PRR29: variants seen among roughly 807,000 people sequenced by gnomAD.
PRR29 encodes the protein proline-rich protein 29.
In PRR29, 20 loss-of-function variants were observed where a neutral mutation model predicts 25.1. The observed-to-expected ratio is 0.80, with a 90% CI of 0.56 to 1.16. The LOEUF (loss-of-function observed/expected upper bound fraction) is 1.16. PRR29 is among the 50% of genes most tolerant of loss of function. The probability of loss-of-function intolerance (pLI) is 0.00; values close to 1 mark genes in which losing one functional copy is unlikely to be tolerated. For synonymous variants in PRR29, 108 were observed against 102.6 expected (o/e 1.05, Z -0.32); for missense variants, 238 against 246.6 (o/e 0.97, Z 0.23).
In PRR29 at chr17:63,998,444, G is replaced by T; in HGVS notation, c.60+20G>T. On this transcript the variant is annotated intron_variant, in intron 1 of 5. Coordinates refer to ENST00000412177, the MANE Select transcript of PRR29 (RefSeq NM_001164257.2). ...CCGACGGTGAGGGCTGAGCCCGGGA[G>T]CAGATCCTGCCTTAGCTTGGGAGAC... 2 of 1,469,622 alleles carry T rather than the reference G, an allele frequency of 1.4e-6. No individual in the cohort carries two copies. The highest frequency in any genetic ancestry group is 1.8e-6 in the Non-Finnish European group (2 of 1,112,892). The allele number at this position is 1,469,622 out of a possible 1,614,324, so 91.0% of individuals were successfully genotyped here.
At chr17:63,999,374 A>G (rs1285321386) in intron 3 of PRR29, 6 of 484,488 alleles carry the variant, frequency 1.2e-5, no homozygotes, top group African/African-American at 5.9e-5. Context: ...ACCCTGCCCC[A>G]TGCATCATGA....
chr17:63,998,898 C>T, intron 2 of PRR29, 70 bp from the exon 3 acceptor site: 1 of 1,462,598 alleles, frequency 6.8e-7, no homozygotes, highest in Non-Finnish European at 9.3e-7. Flanking sequence ...TTCTTCACCC[C>T]CGGGACAGGG....
chr17:63,998,806 C>CA, intron 2 of PRR29, 24 bp downstream of exon 2: 1 of 1,157,428 alleles, frequency 8.6e-7, no homozygotes, highest in Non-Finnish European at 1.2e-6. Flanking sequence ...GTCCCCCCAC[C>CA]CCACCCCCAC....
rs1215869936 is a variant in PRR29 at position 64,001,726 on chromosome 17, T to C, written c.542-7T>C. The C allele has an allele frequency of 6.5e-7, 1 of 1,536,732 alleles. No individual in the cohort carries two copies. The highest frequency in any genetic ancestry group is 2.0e-5 in the Admixed American group (1 of 50,972). Reference sequence around the variant, plus strand: ...AGGGAGTCAAGATGAGGTTCTTGTTTCCCCAGACTACTATGATGCCGAGAG... The same window carrying C: ...AGGGAGTCAAGATGAGGTTCTTGTTCCCCCAGACTACTATGATGCCGAGAG... On this transcript the variant is annotated splice_polypyrimidine_tract_variant and splice_region_variant and intron_variant, in intron 5 of 5. Transcript: ENST00000412177.
chr17:64,003,635 C>A lies in PRR29; in HGVS notation c.*1874C>A. ...TCACTCCCAACTCCATCCACGGATC[C>A]CCCCTCACCATAGATCTCCAACATC... On this transcript the variant is annotated 3_prime_UTR_variant, in exon 6 of 6. Transcript: ENST00000412177. 1.2e-6 allele frequency: 2 copies of A among 1,607,124 alleles called. No homozygotes were observed. The highest frequency in any genetic ancestry group is 1.7e-6 in the Non-Finnish European group (2 of 1,175,488).
At chr17:63,999,395 T>C (rs1340379613) in intron 3 of PRR29, 11 of 440,224 alleles carry the variant, frequency 2.5e-5, no homozygotes, top group Non-Finnish European at 4.5e-5. Context: ...GCGTCTGGCC[T>C]GGTGCCTGAC....
chr17:64,002,663 T>C lies in PRR29; in HGVS notation c.*902T>C. 1 of 1,289,128 alleles carries C rather than the reference T, an allele frequency of 7.8e-7. No homozygotes were observed. The allele number at this position is 1,289,128 out of a possible 1,614,324, so 79.9% of individuals were successfully genotyped here. A position where few individuals can be genotyped will look rare whatever the true frequency, so the allele number is the denominator to read the frequency against. ...AAGTCTCTGCTGCCTGTCACAGTCCTTCAGCCAGGGCTGGACCTCAACCCT... is the reference window on the plus strand; with the variant it reads ...AAGTCTCTGCTGCCTGTCACAGTCCCTCAGCCAGGGCTGGACCTCAACCCT... On this transcript the variant is annotated 3_prime_UTR_variant, in exon 6 of 6. Transcript: ENST00000412177.
At chr17:63,998,824 ACCACTCACCCTCTTCTGCCT>A in intron 2 of PRR29, 42 bp downstream of exon 2, 1 of 468,242 alleles carries the variant, frequency 2.1e-6, no homozygotes, top group Non-Finnish European at 3.2e-6. Context: ...CACCATCACC[ACCACTCACCCTCTTCTGCCT>A]CGCACATCCT....
chr17:64,001,238 C>A lies in PRR29; in HGVS notation c.398C>A (p.Thr133Asn). The change falls in exon 4 of 6, where the codon ACC (threonine) becomes AAC (asparagine). Residue 133 changes from threonine to asparagine, a missense_variant. Coordinates refer to ENST00000412177, the MANE Select transcript of PRR29 (RefSeq NM_001164257.2). ...LLPWPAPFFP[T>N]PACQPYLQDV... ...CCCTGGCCAGCCCCCTTCTTCCCCA[C>A]CCCTGCTTGTCAGCCCTACTTGCAG... is the stretch of plus-strand genomic sequence containing the variant. The A allele has an allele frequency of 6.5e-7, 1 of 1,537,402 alleles. No homozygotes were observed.
chr17:64,001,409 A>G, intron 4 of PRR29, 58 bp from the exon 5 acceptor site: 1 of 1,490,942 alleles, frequency 6.7e-7, no homozygotes, highest in African/African-American at 1.4e-5. Context: ...TTGTGGGTGA[A>G]ACTCCAGAGG....
Position 64,003,023 on chromosome 17 carries a change from C to T in PRR29, c.*1262C>T. 1.9e-6 allele frequency: 2 copies of T among 1,063,576 alleles called. No homozygotes were observed. The highest frequency in any genetic ancestry group is 2.7e-6 in the Non-Finnish European group (2 of 736,772). The allele number at this position is 1,063,576 out of a possible 1,614,324, so 65.9% of individuals were successfully genotyped here. A position where few individuals can be genotyped will look rare whatever the true frequency, so the allele number is the denominator to read the frequency against. ...TCCACCCCCAACCCAGACCCCCAGACCCCGCCGCCCGCTCATGCATCCAGC... is the reference window on the plus strand; with the variant it reads ...TCCACCCCCAACCCAGACCCCCAGATCCCGCCGCCCGCTCATGCATCCAGC... On this transcript the variant is annotated 3_prime_UTR_variant, in exon 6 of 6. Transcript: ENST00000412177.
rs1318354205 is a variant in PRR29 at position 64,002,176 on chromosome 17, GCTTTGAAGGCCC to G, written c.*422_*433del. The G allele has an allele frequency of 2.8e-6, 2 of 703,770 alleles. No individual in the cohort carries two copies. Among genetic ancestry groups the G allele is most frequent in the East Asian group, 5.5e-5 (2 of 36,572 alleles). 43.6% of individuals were successfully genotyped at this position (703,770 alleles called of 1,614,324 possible). ...GGGGGGATTCCTTCTGCTTTCCACA[GCTTTGAAGGCCC>G]CTTTGAGGTGGCTGGAGGGGCCCAG... is the stretch of plus-strand genomic sequence containing the variant. On this transcript the variant is annotated 3_prime_UTR_variant, in exon 6 of 6. Transcript: ENST00000412177.
rs1164609022 is a variant in PRR29, at chr17:64,001,107, A to G, written c.267A>G (p.Glu89=). ...AGGTCTACCTGGAGGTTCCACAGGA[A>G]GAGCCTGAGGAGGAGGAGGAGGAGA... ...CPQVYLEVPQ[E]EPEEEEEEMD... is the part of the protein sequence containing the mutation. The change falls in exon 4 of 6, where the codon GAA becomes GAG. Residue 89 remains glutamate, a synonymous_variant. Coordinates refer to ENST00000412177, the MANE Select transcript of PRR29 (RefSeq NM_001164257.2). 6.5e-7 allele frequency: 1 copy of G among 1,537,044 alleles called. No homozygotes were observed. The highest frequency in any genetic ancestry group is 8.7e-7 in the Non-Finnish European group (1 of 1,146,572).
In PRR29 at chr17:64,002,182, A is replaced by G; in HGVS notation, c.*421A>G. 2 of 697,312 alleles carry G rather than the reference A, an allele frequency of 2.9e-6. No individual in the cohort carries two copies. The highest frequency in any genetic ancestry group is 4.7e-6 in the Non-Finnish European group (2 of 427,472). The allele number at this position is 697,312 out of a possible 1,614,324, so 43.2% of individuals were successfully genotyped here. A position where few individuals can be genotyped will look rare whatever the true frequency, so the allele number is the denominator to read the frequency against. ...ATTCCTTCTGCTTTCCACAGCTTTG[A>G]AGGCCCCTTTGAGGTGGCTGGAGGG... On this transcript the variant is annotated 3_prime_UTR_variant, in exon 6 of 6. Transcript: ENST00000412177.
Position 63,998,797 on chromosome 17 carries a change from T to TCCCCCCCCCCCCCCCCC in PRR29, c.136+21_136+22insCCCCCCCCCCCCCCCCC. ...CGTGAAGGAAGGTGAGACTCCCGGG[T>TCCCCCCCCCCCCCCCCC]CCCCCCACCCCACCCCCACCATCAC... On this transcript the variant is annotated intron_variant, in intron 2 of 5. Transcript: ENST00000412177. The TCCCCCCCCCCCCCCCCC allele has an allele frequency of 7.5e-6, 8 of 1,062,598 alleles. No individual in the cohort carries two copies. The highest frequency in any genetic ancestry group is 4.1e-5 in the South Asian group (3 of 73,256). The allele number at this position is 1,062,598 out of a possible 1,614,324, so 65.8% of individuals were successfully genotyped here. A position where few individuals can be genotyped will look rare whatever the true frequency, so the allele number is the denominator to read the frequency against.
rs1207486561 is a variant in PRR29 at position 64,002,954 on chromosome 17, A to C, written c.*1193A>C. On this transcript the variant is annotated 3_prime_UTR_variant, in exon 6 of 6. Coordinates refer to ENST00000412177, the MANE Select transcript of PRR29 (RefSeq NM_001164257.2). ...GGGAGGGAGGGGGCAAGGGTCTTAGACGTCCTGTGATCCCAGTTACCAGGG... is the reference window on the plus strand; with the variant it reads ...GGGAGGGAGGGGGCAAGGGTCTTAGCCGTCCTGTGATCCCAGTTACCAGGG... 5.0e-6 allele frequency: 8 copies of C among 1,597,432 alleles called. No individual in the cohort carries two copies. In the East Asian group the frequency reaches 1.1e-4, roughly 22 times the overall value.
chr17:64,000,834 T>G, intron 3 of PRR29: 2 of 374,964 alleles, frequency 5.3e-6, no homozygotes, highest in African/African-American at 2.1e-5. Context: ...TTTTTTTTTT[T>G]TTTTGGTATT....
Position 63,999,004 on chromosome 17 carries a change from T to C in PRR29, c.173T>C (p.Met58Thr). ...CTGATGATGCTGCAGAACGCGCAGA[T>C]GCACCAGCTGCTGCTGAGTCGCCTG... ...LELMMLQNAQ[M>T]HQLLLSRLVA... Residue 58 changes from methionine to threonine, a missense_variant, in exon 3 of 6, where the codon ATG becomes ACG. Met to Thr is a moderately conservative substitution (Grantham distance 81). Coordinates refer to ENST00000412177, the MANE Select transcript of PRR29 (RefSeq NM_001164257.2). 1 of 1,536,192 alleles carries C rather than the reference T, an allele frequency of 6.5e-7. No individual in the cohort carries two copies. Among genetic ancestry groups the C allele is most frequent in the Non-Finnish European group, 8.7e-7 (1 of 1,146,804 alleles).
In PRR29 at chr17:64,004,228, A is replaced by C. The variant is rs1453275716; in HGVS notation, c.*2467A>C. On this transcript the variant is annotated 3_prime_UTR_variant, in exon 6 of 6. Transcript: ENST00000412177. ...ATTGTACAGCCAACTGGAAAGATATAAAAGTTTGGGTCTGTCTCCTCTCCT... is the reference window on the plus strand; with the variant it reads ...ATTGTACAGCCAACTGGAAAGATATCAAAGTTTGGGTCTGTCTCCTCTCCT... The C allele has an allele frequency of 2.1e-6, 1 of 480,020 alleles. No individual in the cohort carries two copies. The highest frequency in any genetic ancestry group is 3.7e-6 in the Non-Finnish European group (1 of 269,384). 29.7% of individuals were successfully genotyped at this position (480,020 alleles called of 1,614,324 possible).
Sources: gnomAD v4.1 joint callset for allele counts on GRCh38, gnomAD v4.1.1 for gene constraint, MANE v1.5 for transcripts, NCBI Gene and HGNC (gene_info 2026-07-23, HGNC 2026-07-21) for gene names.